CHD8: variants seen among roughly 807,000 people sequenced by gnomAD.
CHD8 encodes the protein chromodomain helicase DNA binding protein 8.
In CHD8, 31 loss-of-function variants were observed where a neutral mutation model predicts 279.2. The ratio of observed to expected loss-of-function variants is 0.11; its 90% CI spans 0.08 to 0.15. The LOEUF is 0.15. Ranked by LOEUF, CHD8 falls within the 10% of genes least tolerant of loss-of-function variation. The pLI, the probability that CHD8 is intolerant of heterozygous loss-of-function variation, is 1.00. For synonymous variants in CHD8, 1,081 were observed against 1,139.6 expected (o/e 0.95, Z 1.04); for missense variants, 2,146 against 3,230.5 (o/e 0.66, Z 8.14).
intron 36 of CHD8, among the ~76,000 whole-genome samples, 167 bp from the exon 37 acceptor site, chr14:21,391,230 G>A (rs1306533627): frequency 6.6e-6 from 1 of 152,044 alleles, no homozygotes; most frequent in African/African-American, 2.4e-5. Context: ...AATATTAGGT[G>A]GTTTATATAA....
At chr14:21,428,521 A>T (rs1387581512) in intron 3 of CHD8, among the ~76,000 whole-genome samples, 3 of 152,154 alleles carry the variant, frequency 2.0e-5, no homozygotes, top group African/African-American at 7.2e-5. Context: ...ACCTCAGAAA[A>T]ATTACAACTA....
At chr14:21,452,411 G>C (rs1169210881) in intron 1 of CHD8, among the ~76,000 whole-genome samples, 3 of 152,098 alleles carry the variant, frequency 2.0e-5, no homozygotes, top group Non-Finnish European at 4.4e-5. Flanking sequence ...GGGAGGCCGA[G>C]GCAGGCAGAT....
chr14:21,400,001 C>T lies in CHD8; in HGVS notation c.4797G>A (p.Val1599=). The part of the protein sequence containing the change: ...QEVIGDQAEK[V]LGGAIASEID... ...TTTACCTGGCAATCGCACCCCCTAA[C>T]ACCTTTTCTGCTTGGTCTCCAATAA... The change falls in exon 25 of 38, where the codon GTG becomes GTA. Residue 1599 remains valine (V), a synonymous_variant. Coordinates refer to ENST00000646647, the MANE Select transcript of CHD8 (RefSeq NM_001170629.2). The surrounding 1 kb of genome is among the most constrained non-coding windows in gnomAD (Gnocchi z 4.2). 1 of 1,613,324 alleles carries T rather than the reference C, an allele frequency of 6.2e-7. No homozygotes were observed. The highest frequency in any genetic ancestry group is 8.5e-7 in the Non-Finnish European group (1 of 1,179,812).
chr14:21,428,291 G>A (rs751898618), intron 3 of CHD8, 37 bp from the exon 4 acceptor site: 1 of 1,594,084 alleles, frequency 6.3e-7, no homozygotes, highest in South Asian at 1.1e-5. Flanking sequence ...CAACTTGCTT[G>A]TAGTTAAATG....
chr14:21,407,546 T>C (rs1317018167), intron 13 of CHD8, among the ~76,000 whole-genome samples: 1 of 152,194 alleles, frequency 6.6e-6, no homozygotes, highest in East Asian at 1.9e-4. Flanking sequence ...ATAAAATTCA[T>C]GTTAATACAC....
At chr14:21,417,839 G>A (rs1888800850) in intron 5 of CHD8, among the ~76,000 whole-genome samples, 1 of 130,272 alleles carries the variant, frequency 7.7e-6, no homozygotes, top group African/African-American at 3.0e-5. Context: ...GGGAGACACA[G>A]TGAGACTCTC....
chr14:21,420,520 A>G lies in CHD8; in HGVS notation c.1717-4613T>C, dbSNP rs143457737. 2.0e-3 allele frequency among the ~76,000 whole-genome samples: 303 copies of G among 152,350 alleles called. 6 individuals carry two copies. Among genetic ancestry groups the G allele is most frequent in the Admixed American group, 0.015 (237 of 15,306 alleles). The stretch of plus-strand genomic sequence containing the variant: ...CTTCATTAAAAATCTACTTTTGTGT[A>G]TGTCTGAAAATTTTCCTAATAAAAA... On this transcript the variant is annotated intron_variant, in intron 5 of 37. Transcript: ENST00000646647.
intron 14 of CHD8, 54 bp downstream of exon 14, chr14:21,406,802 A>C (rs1888272430): frequency 6.8e-7 from 1 of 1,479,126 alleles, no homozygotes; most frequent in African/African-American, 1.4e-5. Flanking sequence ...TAATACCGCA[A>C]GGAATTACGG....
chr14:21,426,058 T>C, intron 5 of CHD8, 70 bp downstream of exon 5: 1 of 907,474 alleles, frequency 1.1e-6, no homozygotes, highest in African/African-American at 1.7e-5. Context: ...GATTTCTCAA[T>C]ATCTGCTTGG....
At chr14:21,414,762 TAA>T in intron 8 of CHD8, 174 bp downstream of exon 8, 1 of 655,264 alleles carries the variant, frequency 1.5e-6, no homozygotes, top group Non-Finnish European at 2.7e-6. Flanking sequence ...AAGGAAATAA[TAA>T]GAGTCATGTC....
At chr14:21,450,508 AGCACTGT>A (rs1890231706) in intron 1 of CHD8, among the ~76,000 whole-genome samples, 1 of 152,086 alleles carries the variant, frequency 6.6e-6, no homozygotes, top group Non-Finnish European at 1.5e-5. Context: ...CTCTCAGCTG[AGCACTGT>A]GATATGGGCC....
chr14:21,410,805 C>T lies in CHD8; in HGVS notation c.2227-817G>A, dbSNP rs141639247. 1.2e-3 allele frequency among the ~76,000 whole-genome samples: 187 copies of T among 152,306 alleles called. 1 individual carries two copies. The East Asian group carries it at 0.013, about 11-fold the overall frequency. ...TAGCCAACAAAATATGTGAAAGTGC[C>T]TCAAGGTAGTCACAGATCTCGAATC... On this transcript the variant is annotated intron_variant, in intron 10 of 37. Transcript: ENST00000646647.
intron 1 of CHD8, among the ~76,000 whole-genome samples, chr14:21,443,966 CATGT>C (rs1384474120): frequency 6.6e-6 from 1 of 151,734 alleles, no homozygotes; most frequent in Non-Finnish European, 1.5e-5. Context: ...TGAATCTGTC[CATGT>C]GAGTTTTCAT....
chr14:21,403,378 T>G lies in CHD8; in HGVS notation c.3518+75A>C, dbSNP rs149897511. On this transcript the variant is annotated intron_variant, in intron 17 of 37. Coordinates refer to ENST00000646647, the MANE Select transcript of CHD8 (RefSeq NM_001170629.2). This position sits in a 1 kb window ranked among gnomAD's most constrained non-coding sequence, Gnocchi z 4.3. Reference sequence around the variant, plus strand: ...CTTATTGCAATTGGTGAACTCTAATTAAATCCAGGCCCTCCTACTTTTTGC... The same window carrying G: ...CTTATTGCAATTGGTGAACTCTAATGAAATCCAGGCCCTCCTACTTTTTGC... 14,268 of 1,338,278 alleles carry G rather than the reference T, an allele frequency of 0.011. 95 individuals carry two copies. The highest frequency in any genetic ancestry group is 0.013 in the Non-Finnish European group (12,119 of 960,918). The allele number at this position is 1,338,278 out of a possible 1,614,324, so 82.9% of individuals were successfully genotyped here. A position where few individuals can be genotyped will look rare whatever the true frequency, so the allele number is the denominator to read the frequency against.
intron 1 of CHD8, among the ~76,000 whole-genome samples, chr14:21,449,173 C>T (rs1170319464): frequency 6.6e-6 from 1 of 151,748 alleles, no homozygotes. Flanking sequence ...GACTTCATCG[C>T]AAAATAAATA....
intron 1 of CHD8, chr14:21,437,070 G>A: frequency 1.4e-6 from 1 of 723,322 alleles, no homozygotes; most frequent in Non-Finnish European, 2.1e-6. Context: ...GCGGGGGGTG[G>A]GGGGTGTGGA....
intron 37 of CHD8, among the ~76,000 whole-genome samples, chr14:21,390,139 G>A (rs1392410371): frequency 6.6e-6 from 1 of 152,116 alleles, no homozygotes; most frequent in Non-Finnish European, 1.5e-5. Flanking sequence ...GAGAGGCTGG[G>A]CAGGAGAATG....
At chr14:21,444,669 T>C (rs1219011627) in intron 1 of CHD8, among the ~76,000 whole-genome samples, 3 of 152,184 alleles carry the variant, frequency 2.0e-5, no homozygotes, top group Non-Finnish European at 4.4e-5. Context: ...CACCACACTT[T>C]TCAAGTTTTC....
At position 21,393,749 on chromosome 14, in the gene CHD8, C is replaced by G; in HGVS notation, c.6046G>C (p.Val2016Leu). 8 of 1,613,832 alleles carry G rather than the reference C, an allele frequency of 5.0e-6. No homozygotes were observed. The highest frequency in any genetic ancestry group is 6.8e-6 in the Non-Finnish European group (8 of 1,179,848). ...AAAGTCAGACTCTCCAGACTGGGGA[C>G]CTGGGTAGCTGTCTCCTCGGGTGAC... ...EKSPEETATQ[V>L]PSLESLTLKL... Residue 2016 changes from valine (V) to leucine (L), a missense_variant, in exon 32 of 38, where the codon GTC (valine) becomes CTC (leucine). Coordinates refer to ENST00000646647, the MANE Select transcript of CHD8 (RefSeq NM_001170629.2).
Sources: allele counts gnomAD v4.1 joint callset (sites outside exome capture counted in the v4.1 genomes callset), GRCh38; gene constraint gnomAD v4.1.1; non-coding constraint Gnocchi (gnomAD v3.1); transcripts MANE v1.5; gene names NCBI Gene and HGNC (gene_info 2026-07-23, HGNC 2026-07-21).